The following MIGA1 variants were observed in gnomAD, a reference collection of about 807,000 sequenced individuals.
The protein encoded by MIGA1 is mitoguardin 1, also known as family with sequence similarity 73, member A.
A neutral mutation model predicts 82.0 loss-of-function variants in MIGA1; 58 were observed. That is an observed-to-expected ratio of 0.71 (90% CI 0.57 to 0.88). MIGA1 has a LOEUF of 0.88. Among genes scored for constraint, MIGA1 ranks in the 40% least tolerant of loss-of-function variants. MIGA1 has a pLI of 0.00. For missense variants in MIGA1, 751 were observed against 749.1 expected, an observed-to-expected ratio of 1.00 and a Z score of -0.03; for synonymous variants, 249 against 253.6, an observed-to-expected ratio of 0.98 and a Z score of 0.17.
intron 14 of MIGA1, among the ~76,000 whole-genome samples, chr1:77,869,974 C>CA (rs1385603841): frequency 7.2e-6 from 1 of 139,370 alleles, no homozygotes; most frequent in Non-Finnish European, 1.6e-5. Flanking sequence ...CTGACCCCCC[C>CA]ACCTCCCTCC....
rs944741466 is a variant in MIGA1 at position 77,876,101 on chromosome 1, C to G, written c.*1037C>G. ...TGAGCCGAGATCGCACCACTGCACT[C>G]CAGCCTGGGCAACAAAGTGAGACTC... is the stretch of plus-strand genomic sequence containing the variant. On this transcript the variant is annotated 3_prime_UTR_variant, in exon 16 of 16. Transcript: ENST00000370791. 1 of 152,144 alleles carries G rather than the reference C, an allele frequency of 6.6e-6. No homozygotes were observed. Among genetic ancestry groups the G allele is most frequent in the African/African-American group, 2.4e-5 (1 of 41,412 alleles). The allele number at this position is 152,144 out of a possible 1,614,324, so 9.4% of individuals were successfully genotyped here.
chr1:77,855,410 G>T (rs1185529278), intron 8 of MIGA1, among the ~76,000 whole-genome samples: 3 of 152,048 alleles, frequency 2.0e-5, no homozygotes, highest in African/African-American at 7.2e-5. Flanking sequence ...TAGAATTGTT[G>T]TTTCTAATTC....
rs200615670 is a variant in MIGA1, at chr1:77,868,985, G to A, written c.1563+2594G>A. Among the ~76,000 whole-genome samples, 214 of 151,218 alleles carry A rather than the reference G, an allele frequency of 1.4e-3. 4 individuals are homozygous for A. In the East Asian group the frequency reaches 0.034, roughly 24 times the overall value. On this transcript the variant is annotated intron_variant, in intron 14 of 15. Coordinates refer to ENST00000370791, the MANE Select transcript of MIGA1 (RefSeq NM_198549.4). ...ATTCTTGGGTGTTTCTCGCAGAGGG[G>A]GATTTGGCAGGGTCATAGGACAATA...
chr1:77,876,836 A>G lies in MIGA1; in HGVS notation c.*1772A>G, dbSNP rs1483344324. On this transcript the variant is annotated 3_prime_UTR_variant, in exon 16 of 16. Coordinates refer to ENST00000370791, the MANE Select transcript of MIGA1 (RefSeq NM_198549.4). ...GTTTTTATGGGTGGAGTTCTTCTAT[A>G]AGAGTATATTAAATGCTTTCAGAGT... The G allele has an allele frequency of 6.6e-6, 1 of 152,198 alleles. No homozygotes were observed. The highest frequency in any genetic ancestry group is 1.5e-5 in the Non-Finnish European group (1 of 68,018). 9.4% of individuals were successfully genotyped at this position (152,198 alleles called of 1,614,324 possible).
At chr1:77,797,783 T>G (rs1014680537) in intron 2 of MIGA1, among the ~76,000 whole-genome samples, 1 of 152,226 alleles carries the variant, frequency 6.6e-6, no homozygotes, top group Non-Finnish European at 1.5e-5. Flanking sequence ...GAAATACAGT[T>G]GATATTGTAT....
chr1:77,801,518 A>G lies in MIGA1; in HGVS notation c.373+10A>G, dbSNP rs1021710315. On this transcript the variant is annotated intron_variant, in intron 3 of 15. Transcript: ENST00000370791. ...GCAGCATCAGACAAAGGTATGTGGA[A>G]ATAGTTGAAGTAAGTGTACAAAAGT... 2.5e-6 allele frequency: 4 copies of G among 1,588,262 alleles called. No homozygotes were observed. In the African/African-American group the frequency reaches 5.5e-5, roughly 22 times the overall value.
Position 77,874,880 on chromosome 1 carries a change from AC to A in MIGA1, c.1716del (p.Phe573LeufsTer12), listed in dbSNP as rs1418353052. 6.2e-7 allele frequency: 1 copy of A among 1,613,668 alleles called. No homozygotes were observed. The highest frequency in any genetic ancestry group is 1.3e-5 in the African/African-American group (1 of 74,896). ...CTTTTATTTCTCAAAGACATTTTTG[AC>A]TTTGAGAAGGTGCGCTATTCAAGTA... On this transcript the variant is annotated frameshift_variant, in exon 16 of 16. Coordinates refer to ENST00000370791, the MANE Select transcript of MIGA1 (RefSeq NM_198549.4). LOFTEE classifies it high-confidence loss of function.
At chr1:77,804,829 A>G (rs1333051785) in intron 4 of MIGA1, among the ~76,000 whole-genome samples, 2 of 151,682 alleles carry the variant, frequency 1.3e-5, no homozygotes, top group Admixed American at 6.6e-5. Flanking sequence ...GGAGTTTACT[A>G]TGTTGGCTAG....
chr1:77,807,731 A>G (rs1210182886), intron 5 of MIGA1, among the ~76,000 whole-genome samples: 1 of 151,978 alleles, frequency 6.6e-6, no homozygotes, highest in Admixed American at 6.6e-5. Context: ...GGCTTCCAAC[A>G]TTGTTTGGCT....
chr1:77,854,135 T>A (rs375840457), intron 8 of MIGA1, among the ~76,000 whole-genome samples: 1 of 152,296 alleles, frequency 6.6e-6, no homozygotes, highest in African/African-American at 2.4e-5. Flanking sequence ...TGAGAACATA[T>A]GATGTTTGGT....
intron 7 of MIGA1, among the ~76,000 whole-genome samples, chr1:77,840,967 T>G (rs943416463): frequency 5.3e-5 from 8 of 152,176 alleles, no homozygotes; most frequent in African/African-American, 1.9e-4. Flanking sequence ...GGATTAAGTT[T>G]TGTATAAAAG....
At position 77,779,654 on chromosome 1, in the gene MIGA1, C is replaced by A; in HGVS notation, c.-2C>A. 6.3e-7 allele frequency: 1 copy of A among 1,577,748 alleles called. No homozygotes were observed. The highest frequency in any genetic ancestry group is 8.6e-7 in the Non-Finnish European group (1 of 1,161,544). On this transcript the variant is annotated 5_prime_UTR_variant, in exon 1 of 16. Coordinates refer to ENST00000370791, the MANE Select transcript of MIGA1 (RefSeq NM_198549.4). ...TGACCCCGGAAGGACTCCGCCTTCT[C>A]CATGTCAGACTGCTGCTCAGCGCCA...
chr1:77,813,766 T>G lies in MIGA1; in HGVS notation c.670T>G (p.Trp224Gly). The G allele has an allele frequency of 6.2e-7, 1 of 1,614,212 alleles. No homozygotes were observed. The highest frequency in any genetic ancestry group is 8.5e-7 in the Non-Finnish European group (1 of 1,180,030). ...ATTGTTTGAAGAGGCATTGCGTCGA[T>G]GGGAACAAGCTCTGACCTTTCGCAA... The change falls in exon 6 of 16, where the codon TGG becomes GGG. Residue 224 changes from tryptophan to glycine, a missense_variant. Trp to Gly is a radical substitution (Grantham distance 184). Coordinates refer to ENST00000370791, the MANE Select transcript of MIGA1 (RefSeq NM_198549.4).
At chr1:77,842,837 C>T (rs766798150) in intron 7 of MIGA1, among the ~76,000 whole-genome samples, 3 of 152,166 alleles carry the variant, frequency 2.0e-5, no homozygotes, top group East Asian at 3.8e-4. Flanking sequence ...CCACTGCACC[C>T]GGCCGTGAAT....
intron 11 of MIGA1, 173 bp from the exon 12 acceptor site, chr1:77,861,051 C>T: frequency 2.0e-6 from 1 of 503,484 alleles, no homozygotes; most frequent in Non-Finnish European, 3.5e-6. Context: ...TTGGCTTCTG[C>T]AAAATGTTGC....
chr1:77,850,300 A>G (rs1684998387), intron 8 of MIGA1, among the ~76,000 whole-genome samples: 2 of 152,156 alleles, frequency 1.3e-5, no homozygotes, highest in Non-Finnish European at 2.9e-5. Context: ...TCATTTCCAC[A>G]ATGTGCTGTT....
chr1:77,798,484 G>A (rs1239544980), intron 2 of MIGA1, among the ~76,000 whole-genome samples: 9 of 152,220 alleles, frequency 5.9e-5, no homozygotes, highest in Admixed American at 1.3e-4. Flanking sequence ...AGAGCCAAGC[G>A]AAAGGAGTTT....
chr1:77,816,453 T>C (rs1244141537), intron 7 of MIGA1, among the ~76,000 whole-genome samples: 1 of 152,216 alleles, frequency 6.6e-6, no homozygotes, highest in Non-Finnish European at 1.5e-5. Flanking sequence ...ACATTAGTAC[T>C]GAAAGCAGCT....
In MIGA1 at chr1:77,876,656, T is replaced by C. The variant is rs1184233245; in HGVS notation, c.*1592T>C. On this transcript the variant is annotated 3_prime_UTR_variant, in exon 16 of 16. Transcript: ENST00000370791. ...CTCAGCCCAGTGGGAATTTGTCATA[T>C]TATGCCCATGTTTTAAAAATATTCA... is the stretch of plus-strand genomic sequence containing the variant. 1 of 152,244 alleles carries C rather than the reference T, an allele frequency of 6.6e-6. No homozygotes were observed. The highest frequency in any genetic ancestry group is 1.5e-5 in the Non-Finnish European group (1 of 68,042). The allele number at this position is 152,244 out of a possible 1,614,324, so 9.4% of individuals were successfully genotyped here. A position where few individuals can be genotyped will look rare whatever the true frequency, so the allele number is the denominator to read the frequency against.
Sources: allele counts gnomAD v4.1 joint callset (sites outside exome capture counted in the v4.1 genomes callset), GRCh38; gene constraint gnomAD v4.1.1; transcripts MANE v1.5; gene names NCBI Gene and HGNC (gene_info 2026-07-23, HGNC 2026-07-21).